Variants in ARHGAP42 observed in about 807,000 individuals in gnomAD.
ARHGAP42 encodes the protein Rho GTPase activating protein 42.
Under a neutral mutation model 125.0 loss-of-function variants are expected in ARHGAP42, and 63 were observed. The observed-to-expected ratio is 0.50, with a 90% CI of 0.41 to 0.62. ARHGAP42 has a LOEUF of 0.62. Among genes scored for constraint, ARHGAP42 ranks in the 20% least tolerant of loss-of-function variants. The pLI, the probability that ARHGAP42 is intolerant of heterozygous loss-of-function variation, is 0.00. For missense variants in ARHGAP42, 766 were observed against 1,024.2 expected, an observed-to-expected ratio of 0.75 and a Z score of 3.44; for synonymous variants, 339 against 351.0, an observed-to-expected ratio of 0.97 and a Z score of 0.38.
intron 22 of ARHGAP42, among the ~76,000 whole-genome samples, chr11:100,985,486 C>G (rs1858651822): frequency 6.6e-6 from 1 of 152,174 alleles, no homozygotes; most frequent in Admixed American, 6.5e-5. Context: ...TTTGAGACTA[C>G]CATAGTCTGA....
chr11:100,958,770 C>T (rs1857876723), intron 12 of ARHGAP42, among the ~76,000 whole-genome samples: 1 of 152,000 alleles, frequency 6.6e-6, no homozygotes, highest in Non-Finnish European at 1.5e-5. Context: ...CCTAACAACA[C>T]ATAATAAATA....
chr11:100,959,503 A>G (rs1857900326), intron 12 of ARHGAP42, among the ~76,000 whole-genome samples: 1 of 152,098 alleles, frequency 6.6e-6, no homozygotes, highest in Non-Finnish European at 1.5e-5. Flanking sequence ...TGTTTTGAGA[A>G]TCGCGGGAAA....
intron 3 of ARHGAP42, among the ~76,000 whole-genome samples, chr11:100,802,099 T>C (rs1377130869): frequency 6.6e-6 from 1 of 152,230 alleles, no homozygotes; most frequent in Non-Finnish European, 1.5e-5. Context: ...CTAAACCATG[T>C]AAACTTTGTG....
intron 18 of ARHGAP42, among the ~76,000 whole-genome samples, chr11:100,973,571 T>G (rs1858310492): frequency 6.6e-6 from 1 of 152,224 alleles, no homozygotes; most frequent in Admixed American, 6.5e-5. Flanking sequence ...GTAAGTTTAT[T>G]GCTCCTGTGC....
chr11:100,930,839 G>A (rs1413489155), intron 6 of ARHGAP42, among the ~76,000 whole-genome samples: 1 of 152,144 alleles, frequency 6.6e-6, no homozygotes, highest in Admixed American at 6.5e-5. Flanking sequence ...TTCACATGAG[G>A]GAGTGTCTCA....
Position 100,720,833 on chromosome 11 carries a change from G to A in ARHGAP42, c.154+33001G>A, listed in dbSNP as rs910790223. ...GTTTTTACCATGAACATTTTCAAAC[G>A]TACTCAAAAATGAATATTAAAAAGA... On this transcript the variant is annotated intron_variant, in intron 1 of 23. Coordinates refer to ENST00000298815, the MANE Select transcript of ARHGAP42 (RefSeq NM_152432.4). Among the ~76,000 whole-genome samples the A allele has an allele frequency of 2.6e-5, 4 of 151,784 alleles. 1 individual carries two copies. In the South Asian group the frequency reaches 6.2e-4, roughly 24 times the overall value.
intron 3 of ARHGAP42, among the ~76,000 whole-genome samples, chr11:100,806,133 C>G (rs909776677): frequency 6.6e-6 from 1 of 152,190 alleles, no homozygotes; most frequent in Non-Finnish European, 1.5e-5. Context: ...AATCCTTTGA[C>G]AGTTCCCACA....
chr11:100,772,818 C>T (rs760820768), intron 2 of ARHGAP42, among the ~76,000 whole-genome samples: 8 of 152,138 alleles, frequency 5.3e-5, no homozygotes, highest in South Asian at 2.1e-4. Context: ...CACATATTTA[C>T]GTAACAGTTA....
At chr11:100,742,882 G>A (rs1214874060) in intron 1 of ARHGAP42, among the ~76,000 whole-genome samples, 1 of 152,092 alleles carries the variant, frequency 6.6e-6, no homozygotes, top group East Asian at 1.9e-4. Flanking sequence ...TATAAGAATA[G>A]CTACTCCTGC....
intron 3 of ARHGAP42, among the ~76,000 whole-genome samples, chr11:100,832,793 G>A (rs1203674664): frequency 6.6e-6 from 1 of 152,174 alleles, no homozygotes; most frequent in Non-Finnish European, 1.5e-5. Flanking sequence ...CATAGTACAG[G>A]ATATGAATTG....
chr11:100,738,830 G>C (rs1862119524), intron 1 of ARHGAP42, among the ~76,000 whole-genome samples: 1 of 152,116 alleles, frequency 6.6e-6, no homozygotes, highest in Non-Finnish European at 1.5e-5. Flanking sequence ...GAAGAAGCAG[G>C]GCAAAACAAA....
At chr11:100,840,806 A>G (rs1864929591) in intron 3 of ARHGAP42, 1 of 152,170 alleles carries the variant, frequency 6.6e-6, no homozygotes, top group Non-Finnish European at 1.5e-5. Flanking sequence ...CCAAATTTGT[A>G]TTAAATTGTT....
At chr11:100,857,347 T>C (rs1865344865) in intron 3 of ARHGAP42, among the ~76,000 whole-genome samples, 1 of 152,112 alleles carries the variant, frequency 6.6e-6, no homozygotes, top group Non-Finnish European at 1.5e-5. Flanking sequence ...TGTTTTGTTA[T>C]ATCATCTGGC....
At chr11:100,776,041 C>T (rs1205714542) in intron 2 of ARHGAP42, among the ~76,000 whole-genome samples, 1 of 152,018 alleles carries the variant, frequency 6.6e-6, no homozygotes, top group African/African-American at 2.4e-5. Flanking sequence ...TGCCTGTAAT[C>T]CCAGCTACTT....
At chr11:100,964,599 T>A (rs1219243090) in intron 16 of ARHGAP42, among the ~76,000 whole-genome samples, 1 of 152,162 alleles carries the variant, frequency 6.6e-6, no homozygotes, top group Non-Finnish European at 1.5e-5. Context: ...TAGTGGGCAA[T>A]CATCCCAGAA....
intron 3 of ARHGAP42, among the ~76,000 whole-genome samples, chr11:100,828,531 C>A (rs1236428964): frequency 1.3e-5 from 2 of 152,070 alleles, no homozygotes; most frequent in African/African-American, 4.8e-5. Context: ...GTGGTTTCAA[C>A]CTGAGCAAGG....
rs148290819 is a variant in ARHGAP42 at position 100,725,219 on chromosome 11, G to A, written c.154+37387G>A. On this transcript the variant is annotated intron_variant, in intron 1 of 23. Coordinates refer to ENST00000298815, the MANE Select transcript of ARHGAP42 (RefSeq NM_152432.4). The stretch of plus-strand genomic sequence containing the variant: ...CAGAGTCTTGCTCTGTAGCCAGGCC[G>A]GAATGCAGCGGTGTGATCTAAGCTC... Among the ~76,000 whole-genome samples the A allele has an allele frequency of 1.0e-3, 158 of 150,644 alleles. 1 individual carries two copies. The East Asian group carries it at 0.022, about 21-fold the overall frequency.
intron 22 of ARHGAP42, among the ~76,000 whole-genome samples, 178 bp downstream of exon 22, chr11:100,979,227 T>G (rs758904971): frequency 3.0e-4 from 46 of 152,232 alleles, no homozygotes; most frequent in Non-Finnish European, 3.5e-4. Context: ...CTCACATTGT[T>G]ATAGTGATGT....
At chr11:100,702,128 A>AG (rs1460497440) in intron 1 of ARHGAP42, among the ~76,000 whole-genome samples, 4 of 152,104 alleles carry the variant, frequency 2.6e-5, no homozygotes, top group African/African-American at 9.7e-5. Flanking sequence ...CAAAAAAAAA[A>AG]TAATAATATA....
Sources: allele counts gnomAD v4.1 joint callset (sites outside exome capture counted in the v4.1 genomes callset), GRCh38; gene constraint gnomAD v4.1.1; transcripts MANE v1.5; gene names NCBI Gene and HGNC (gene_info 2026-07-23, HGNC 2026-07-21).